Variants in CNTNAP2 observed in about 807,000 individuals in gnomAD.
The protein encoded by CNTNAP2 is contactin associated protein 2.
CNTNAP2 carries 98 observed loss-of-function variants against 155.2 expected under a neutral mutation model. The ratio of observed to expected loss-of-function variants is 0.63; its 90% CI spans 0.54 to 0.75. The LOEUF (loss-of-function observed/expected upper bound fraction) is 0.75. CNTNAP2 is among the 30% of genes least tolerant of loss of function. CNTNAP2 has a pLI of 0.00. For missense variants in CNTNAP2, 1,727 were observed against 1,688.1 expected, an observed-to-expected ratio of 1.02 and a Z score of -0.40; for synonymous variants, 651 against 631.2, an observed-to-expected ratio of 1.03 and a Z score of -0.47.
intron 21 of CNTNAP2, among the ~76,000 whole-genome samples, chr7:148,293,922 C>T (rs992093723): frequency 7.3e-5 from 11 of 151,496 alleles, no homozygotes; most frequent in African/African-American, 2.4e-4. Context: ...ATAATCGCAG[C>T]TACTCGGGAG....
chr7:146,310,525 G>GT (rs755248668), intron 1 of CNTNAP2, among the ~76,000 whole-genome samples: 273 of 150,178 alleles, frequency 1.8e-3, no homozygotes, highest in Non-Finnish European at 3.2e-3. Context: ...CTATTTTCCT[G>GT]TTTTTTTTTC....
intron 4 of CNTNAP2, among the ~76,000 whole-genome samples, chr7:147,095,452 CAT>C (rs1800510696): frequency 6.6e-6 from 1 of 151,646 alleles, no homozygotes; most frequent in Non-Finnish European, 1.5e-5. Flanking sequence ...AAGGTTTTAA[CAT>C]AGGAATTTTG....
intron 1 of CNTNAP2, among the ~76,000 whole-genome samples, chr7:146,454,189 T>C (rs1796522495): frequency 1.3e-5 from 2 of 152,332 alleles, no homozygotes; most frequent in South Asian, 4.1e-4. Flanking sequence ...GCTTATTCTA[T>C]ACTAGTAGAT....
chr7:146,117,082 G>A, intron 1 of CNTNAP2, 109 bp downstream of exon 1: 1 of 915,224 alleles, frequency 1.1e-6, no homozygotes, highest in South Asian at 1.4e-5. Context: ...ACCCTGATGT[G>A]TTTGTGTCTC....
chr7:146,568,646 A>G (rs998616896), intron 1 of CNTNAP2, among the ~76,000 whole-genome samples: 2 of 152,186 alleles, frequency 1.3e-5, no homozygotes, highest in Non-Finnish European at 2.9e-5. Flanking sequence ...TCAAAAAATC[A>G]TGGTTTCTGT....
chr7:148,156,580 GATA>G (rs1321808757), intron 17 of CNTNAP2, among the ~76,000 whole-genome samples: 2 of 152,114 alleles, frequency 1.3e-5, no homozygotes, highest in Non-Finnish European at 2.9e-5. Context: ...AATGGCTTCT[GATA>G]ATAATTTGTG....
At chr7:148,286,374 G>C (rs931470595) in intron 21 of CNTNAP2, among the ~76,000 whole-genome samples, 1 of 152,112 alleles carries the variant, frequency 6.6e-6, no homozygotes, top group Non-Finnish European at 1.5e-5. Flanking sequence ...AAACTGTCTT[G>C]TGGCAGCCTG....
chr7:146,208,995 A>G (rs1360502725), intron 1 of CNTNAP2, among the ~76,000 whole-genome samples: 1 of 152,092 alleles, frequency 6.6e-6, no homozygotes, highest in Non-Finnish European at 1.5e-5. Context: ...GTAGGCAGGC[A>G]TTAGCCACCT....
At chr7:147,168,361 G>A (rs1802162542) in intron 8 of CNTNAP2, among the ~76,000 whole-genome samples, 1 of 151,876 alleles carries the variant, frequency 6.6e-6, no homozygotes, top group Admixed American at 6.6e-5. Context: ...AGCTTGGTAT[G>A]TCAGAGATTT....
At chr7:147,286,435 A>C (rs1373387114) in intron 8 of CNTNAP2, among the ~76,000 whole-genome samples, 1 of 152,106 alleles carries the variant, frequency 6.6e-6, no homozygotes, top group Non-Finnish European at 1.5e-5. Context: ...ATTAACTTGG[A>C]TATTTATTTT....
Position 148,420,892 on chromosome 7 carries a change from T to C in CNTNAP2, c.*5276T>C, listed in dbSNP as rs1800099265. ...AAACTAGAATGAAAGAAGGAAATTATGTACGTATGCCTAATATTCTTTGTG... is the reference window on the plus strand; with the variant it reads ...AAACTAGAATGAAAGAAGGAAATTACGTACGTATGCCTAATATTCTTTGTG... On this transcript the variant is annotated 3_prime_UTR_variant, in exon 24 of 24. Transcript: ENST00000361727. 2 of 152,656 alleles carry C rather than the reference T, an allele frequency of 1.3e-5. No homozygotes were observed. The highest frequency in any genetic ancestry group is 4.1e-4 in the South Asian group (2 of 4,834). 9.5% of individuals were successfully genotyped at this position (152,656 alleles called of 1,614,324 possible).
chr7:146,702,149 C>T lies in CNTNAP2; in HGVS notation c.98-72122C>T, dbSNP rs370076629. ...CTGAAAGCAAGTCTTAGGGACAGCA[C>T]TAAAGTTGGTATCCATTTAATCCTA... On this transcript the variant is annotated intron_variant, in intron 1 of 23. Transcript: ENST00000361727. Among the ~76,000 whole-genome samples, 20 of 152,242 alleles carry T rather than the reference C, an allele frequency of 1.3e-4. No homozygotes were observed. In the East Asian group the frequency reaches 3.7e-3, roughly 28 times the overall value.
intron 10 of CNTNAP2, among the ~76,000 whole-genome samples, chr7:147,450,831 TG>T (rs1797819037): frequency 6.6e-6 from 1 of 152,220 alleles, no homozygotes; most frequent in Admixed American, 6.5e-5. Flanking sequence ...TTCTCCCATT[TG>T]TCATGTTATA....
At chr7:146,482,452 T>C (rs1796976097) in intron 1 of CNTNAP2, among the ~76,000 whole-genome samples, 1 of 151,810 alleles carries the variant, frequency 6.6e-6, no homozygotes, top group African/African-American at 2.4e-5. Flanking sequence ...CATACACTCA[T>C]ACTCACATTA....
At chr7:147,335,796 T>A (rs1041931764) in intron 9 of CNTNAP2, among the ~76,000 whole-genome samples, 2 of 152,206 alleles carry the variant, frequency 1.3e-5, no homozygotes, top group African/African-American at 2.4e-5. Context: ...CTTTTATTTT[T>A]AAATTTAGCC....
chr7:147,950,780 G>A (rs1342082219), intron 14 of CNTNAP2, among the ~76,000 whole-genome samples: 1 of 152,214 alleles, frequency 6.6e-6, no homozygotes, highest in Non-Finnish European at 1.5e-5. Flanking sequence ...CTAAAAGCAG[G>A]AGATAAATCT....
chr7:146,510,447 A>C (rs1455732401), intron 1 of CNTNAP2, among the ~76,000 whole-genome samples: 2 of 152,116 alleles, frequency 1.3e-5, no homozygotes, highest in African/African-American at 4.8e-5. Context: ...AATTGTGCTC[A>C]TGGTTGCTTT....
rs1483382101 is a variant in CNTNAP2 at position 146,258,797 on chromosome 7, G to A, written c.97+141824G>A. On this transcript the variant is annotated intron_variant, in intron 1 of 23. Transcript: ENST00000361727. ...CTTTTGAAGTGACATTTTCCTAGCT[G>A]CATAATCTGAGATAATGTTTGGTTG... 2.0e-5 allele frequency among the ~76,000 whole-genome samples: 3 copies of A among 152,260 alleles called. No homozygotes were observed. In the South Asian group the frequency reaches 6.2e-4, roughly 32 times the overall value.
At chr7:147,592,478 G>GTT (rs34713058) in intron 12 of CNTNAP2, among the ~76,000 whole-genome samples, 5,713 of 143,886 alleles carry the variant, frequency 0.04, 141 homozygotes, top group Non-Finnish European at 0.049. Flanking sequence ...GTTGTTTCTG[G>GTT]TTTTTTTTTT....
Sources: gnomAD v4.1 joint callset for allele counts (sites outside exome capture counted in the v4.1 genomes callset) on GRCh38, gnomAD v4.1.1 for gene constraint, MANE v1.5 for transcripts, NCBI Gene and HGNC (gene_info 2026-07-23, HGNC 2026-07-21) for gene names.